The following KEAP1 variants were observed in gnomAD, a reference collection of about 807,000 sequenced individuals.
KEAP1 encodes kelch-like ECH-associated protein 1.
Under a neutral mutation model 59.7 loss-of-function variants are expected in KEAP1, and 26 were observed. The observed-to-expected ratio is 0.44, with a 90% CI of 0.32 to 0.60. The LOEUF (loss-of-function observed/expected upper bound fraction) is 0.60. KEAP1 is among the 20% of genes least tolerant of loss of function. The probability of loss-of-function intolerance (pLI) is 0.06; values close to 1 mark genes in which losing one functional copy is unlikely to be tolerated. For synonymous variants in KEAP1, 350 were observed against 358.3 expected (o/e 0.98, Z 0.26); for missense variants, 539 against 871.4 (o/e 0.62, Z 4.80).
rs2144577116 is a variant in KEAP1 at position 10,486,650 on chromosome 19, C to A, written c.*2G>T. The A allele has an allele frequency of 6.2e-7, 1 of 1,612,752 alleles. No individual in the cohort carries two copies. Among genetic ancestry groups the A allele is most frequent in the Non-Finnish European group, 8.5e-7 (1 of 1,179,452 alleles). On this transcript the variant is annotated 3_prime_UTR_variant, in exon 6 of 6. Coordinates refer to ENST00000171111, the MANE Select transcript of KEAP1 (RefSeq NM_203500.2). ...TATTTTTGCCCAAGAAACAAAAGTG[C>A]CTCAACAGGTACAGTTCTGCTGGTC...
Position 10,486,411 on chromosome 19 carries a change from C to T in KEAP1, c.*241G>A. 8.4e-6 allele frequency: 4 copies of T among 477,154 alleles called. No individual in the cohort carries two copies. The highest frequency in any genetic ancestry group is 1.5e-5 in the Non-Finnish European group (4 of 266,726). The allele number at this position is 477,154 out of a possible 1,614,324, so 29.6% of individuals were successfully genotyped here. ...TGGGGGCCTCTCTCCTGGAAGCCTG[C>T]TCTTTCCACACCCCCTTTCCCAGCC... is the stretch of plus-strand genomic sequence containing the variant. On this transcript the variant is annotated 3_prime_UTR_variant, in exon 6 of 6. Transcript: ENST00000171111.
chr19:10,498,276 T>C lies in KEAP1; in HGVS notation c.639+1119A>G, dbSNP rs1387720806. ...GTGCAATGGTGCGATCTCGGCTCACTGCAACCTCCACCTCCCCGGTTCAAG... is the reference window on the plus strand; with the variant it reads ...GTGCAATGGTGCGATCTCGGCTCACCGCAACCTCCACCTCCCCGGTTCAAG... On this transcript the variant is annotated intron_variant, in intron 2 of 5. Coordinates refer to ENST00000171111, the MANE Select transcript of KEAP1 (RefSeq NM_203500.2). 2.7e-5 allele frequency among the ~76,000 whole-genome samples: 4 copies of C among 148,932 alleles called. No individual in the cohort carries two copies. The East Asian group carries it at 6.0e-4, about 22-fold the overall frequency.
At position 10,502,449 on chromosome 19, in the gene KEAP1, C is replaced by T. The variant is rs1915074904; in HGVS notation, c.-48+792G>A. On this transcript the variant is annotated intron_variant, in intron 1 of 5. Transcript: ENST00000171111. The surrounding 1 kb of genome is among the most constrained non-coding windows in gnomAD (Gnocchi z 4.0). ...GAGCCCCTCAACGCCTCGGAGCCCCCGGGCCTCCTTCTGCGCAGCGCCTCC... is the reference window on the plus strand; with the variant it reads ...GAGCCCCTCAACGCCTCGGAGCCCCTGGGCCTCCTTCTGCGCAGCGCCTCC... The T allele has an allele frequency of 6.6e-6, 1 of 152,432 alleles. No homozygotes were observed. Among genetic ancestry groups the T allele is most frequent in the Non-Finnish European group, 1.5e-5 (1 of 68,118 alleles). 9.4% of individuals were successfully genotyped at this position (152,432 alleles called of 1,614,324 possible).
chr19:10,494,241 C>T (rs767480832), intron 2 of KEAP1, among the ~76,000 whole-genome samples: 4 of 151,474 alleles, frequency 2.6e-5, no homozygotes, highest in Admixed American at 1.3e-4. Flanking sequence ...CGTGTCCGGC[C>T]GTTGGTCTTA....
intron 5 of KEAP1, among the ~76,000 whole-genome samples, chr19:10,487,586 G>T (rs1181211343): frequency 6.6e-6 from 1 of 152,058 alleles, no homozygotes; most frequent in South Asian, 2.1e-4. Flanking sequence ...AACCCGGGAG[G>T]CGGAGGTTGC....
intron 1 of KEAP1, among the ~76,000 whole-genome samples, chr19:10,501,256 G>C (rs1034104786): frequency 2.6e-5 from 4 of 151,652 alleles, no homozygotes; most frequent in Admixed American, 1.3e-4. Flanking sequence ...TTTGTTTTTC[G>C]AGACAGAGTC....
chr19:10,499,437 C>A lies in KEAP1; in HGVS notation c.597G>T (p.Leu199Phe). The A allele has an allele frequency of 6.2e-7, 1 of 1,613,648 alleles. No individual in the cohort carries two copies. The highest frequency in any genetic ancestry group is 8.5e-7 in the Non-Finnish European group (1 of 1,179,888). The change falls in exon 2 of 6, where the codon TTG becomes TTT. Residue 199 changes from leucine (L) to phenylalanine (F), a missense_variant. Leu to Phe is a conservative substitution (Grantham distance 22, BLOSUM62 0). Transcript: ENST00000171111. The surrounding 1 kb of genome is among the most constrained non-coding windows in gnomAD (Gnocchi z 6.7). ...NFAEQIGCVELHQRAREYIYM... is the reference protein window; with the variant it reads ...NFAEQIGCVEFHQRAREYIYM... ...AGATGTACTCCCGGGCACGCTGGTG[C>A]AACTCCACACAGCCAATCTGCTCAG...
intron 2 of KEAP1, among the ~76,000 whole-genome samples, chr19:10,494,023 CCTTGAA>C (rs1184109835): frequency 6.6e-6 from 1 of 152,022 alleles, no homozygotes; most frequent in Non-Finnish European, 1.5e-5. Context: ...CTCACTGTAG[CCTTGAA>C]CTCCTGGGCT....
rs762427276 is a variant in KEAP1 at position 10,491,816 on chromosome 19, C to T, written c.1086G>A (p.Arg362=). The part of the protein sequence containing the change: ...WLRLADLQVP[R]SGLAGCVVGG... ...CCACCACGCAGCCGGCCAGGCCGCT[C>T]CGCGGCACCTGCAGGTCCGCCAACC... Residue 362 remains arginine, a synonymous_variant, in exon 3 of 6, where the codon CGG becomes CGA. Coordinates refer to ENST00000171111, the MANE Select transcript of KEAP1 (RefSeq NM_203500.2). The surrounding 1 kb of genome is among the most constrained non-coding windows in gnomAD (Gnocchi z 5.2). 6.2e-7 allele frequency: 1 copy of T among 1,600,412 alleles called. No homozygotes were observed. The highest frequency in any genetic ancestry group is 1.3e-5 in the African/African-American group (1 of 74,634).
At chr19:10,498,942 C>T (rs985162065) in intron 2 of KEAP1, among the ~76,000 whole-genome samples, 1 of 151,866 alleles carries the variant, frequency 6.6e-6, no homozygotes, top group Non-Finnish European at 1.5e-5. Flanking sequence ...TCAAGCGATT[C>T]TCCTGCCTCA....
At chr19:10,489,544 G>T in intron 4 of KEAP1, 104 bp downstream of exon 4, 3 of 1,367,620 alleles carry the variant, frequency 2.2e-6, no homozygotes, top group Admixed American at 1.8e-5. Context: ...GGTTACCCCA[G>T]CATGAGGGTT....
Position 10,499,915 on chromosome 19 carries a change from G to A in KEAP1, c.119C>T (p.Ala40Val), listed in dbSNP as rs1173824866. 3.3e-5 allele frequency: 53 copies of A among 1,612,854 alleles called. No homozygotes were observed. The highest frequency in any genetic ancestry group is 6.6e-5 in the South Asian group (6 of 91,052). ...GCCATGCTGGGAGGGCGTCACCTCC[G>A]CCTTGCACTCAGTGGAGGCGTACAT... is the stretch of plus-strand genomic sequence containing the variant. ...AVMYASTECK[A>V]EVTPSQHGNR... The change falls in exon 2 of 6, where the codon GCG becomes GTG. Residue 40 changes from alanine to valine, a missense_variant. Physicochemically the swap from Ala to Val is moderately conservative, Grantham distance 64 (BLOSUM62 0). Coordinates refer to ENST00000171111, the MANE Select transcript of KEAP1 (RefSeq NM_203500.2). This position sits in a 1 kb window ranked among gnomAD's most constrained non-coding sequence, Gnocchi z 6.7.
At chr19:10,493,555 CTCT>C (rs1441343512) in intron 2 of KEAP1, among the ~76,000 whole-genome samples, 3 of 137,440 alleles carry the variant, frequency 2.2e-5, no homozygotes, top group African/African-American at 5.4e-5. Context: ...TGGTCTCAAA[CTCT>C]TTTTTTTTTT....
In KEAP1 at chr19:10,489,226, C is replaced by T. The variant is rs2144586216; in HGVS notation, c.1674G>A (p.Gly558=). ...AGATTCTCCCCTGGTGGACAGTGAT[C>T]CCCAGGGCACTTCGCCGGTGCTTCA... ...APMKHRRSAL[G]ITVHQGRIYV... Residue 558 remains glycine (G), a synonymous_variant, in exon 5 of 6, where the codon GGG becomes GGA. Coordinates refer to ENST00000171111, the MANE Select transcript of KEAP1 (RefSeq NM_203500.2). 1 of 1,612,382 alleles carries T rather than the reference C, an allele frequency of 6.2e-7. No individual in the cohort carries two copies. The highest frequency in any genetic ancestry group is 8.5e-7 in the Non-Finnish European group (1 of 1,179,934).
chr19:10,493,794 C>T (rs1914760988), intron 2 of KEAP1, among the ~76,000 whole-genome samples: 1 of 151,528 alleles, frequency 6.6e-6, no homozygotes, highest in Non-Finnish European at 1.5e-5. Flanking sequence ...ATCTCCTGAC[C>T]TCGTGATCCG....
intron 2 of KEAP1, among the ~76,000 whole-genome samples, chr19:10,494,530 T>A (rs951309986): frequency 1.7e-4 from 26 of 150,266 alleles, no homozygotes; most frequent in African/African-American, 6.4e-4. Flanking sequence ...AGAGACGGGA[T>A]TTCACCGTGT....
At chr19:10,489,974 C>T (rs970711553) in intron 3 of KEAP1, 121 bp from the exon 4 acceptor site, 56 of 966,872 alleles carry the variant, frequency 5.8e-5, no homozygotes, top group Admixed American at 1.4e-4. Context: ...CAGGTTCATC[C>T]GGCGCGATGG....
chr19:10,492,826 T>G (rs1320900143), intron 2 of KEAP1: 3 of 151,622 alleles, frequency 2.0e-5, no homozygotes, highest in Non-Finnish European at 4.4e-5. Flanking sequence ...GGGTATCATT[T>G]GGCTTTGGTT....
chr19:10,486,568 GTCTTT>G lies in KEAP1; in HGVS notation c.*79_*83del. On this transcript the variant is annotated 3_prime_UTR_variant, in exon 6 of 6. Transcript: ENST00000171111. The stretch of plus-strand genomic sequence containing the variant: ...CGGAAGATGGGTTATTTGCAGTGCT[GTCTTT>G]TCTTTTAGTCCCGGTTTTTGTACAA... The G allele has an allele frequency of 7.3e-7, 1 of 1,361,250 alleles. No individual in the cohort carries two copies. The highest frequency in any genetic ancestry group is 1.0e-6 in the Non-Finnish European group (1 of 974,772). 84.3% of individuals were successfully genotyped at this position (1,361,250 alleles called of 1,614,324 possible). A position where few individuals can be genotyped will look rare whatever the true frequency, so the allele number is the denominator to read the frequency against.
Sources: gnomAD v4.1 joint callset for allele counts (sites outside exome capture counted in the v4.1 genomes callset) on GRCh38, gnomAD v4.1.1 for gene constraint, Gnocchi (gnomAD v3.1) non-coding constraint, MANE v1.5 for transcripts, NCBI Gene and HGNC (gene_info 2026-07-23, HGNC 2026-07-21) for gene names.